Variants in FANCD2 observed in about 807,000 individuals in gnomAD.
The protein encoded by FANCD2 is FA complementation group D2, also known as Fanconi anemia group D2 protein.
In FANCD2, 131 loss-of-function variants were observed where a neutral mutation model predicts 192.3. The ratio of observed to expected loss-of-function variants is 0.68; its 90% CI spans 0.59 to 0.79. The LOEUF (loss-of-function observed/expected upper bound fraction) is 0.79. Ranked by LOEUF, FANCD2 falls within the 30% of genes least tolerant of loss-of-function variation. The probability of loss-of-function intolerance (pLI) is 0.00; values close to 1 mark genes in which losing one functional copy is unlikely to be tolerated. For synonymous variants in FANCD2, 524 were observed against 612.5 expected (o/e 0.86, Z 2.13); for missense variants, 1,508 against 1,701.6 (o/e 0.89, Z 2.00).
chr3:10,098,124 A>G (rs1695087026), intron 42 of FANCD2, among the ~76,000 whole-genome samples: 1 of 152,200 alleles, frequency 6.6e-6, no homozygotes, highest in South Asian at 2.1e-4. Context: ...AGTCAATTAT[A>G]TATGAAATAT....
chr3:10,061,992 A>G (rs1375751086), intron 19 of FANCD2, among the ~76,000 whole-genome samples, 159 bp from the exon 20 acceptor site: 3 of 144,128 alleles, frequency 2.1e-5, no homozygotes, highest in Non-Finnish European at 3.0e-5. Context: ...GGGGGGAGGG[A>G]TAGCATTAGG....
chr3:10,090,262 G>T, intron 36 of FANCD2, 30 bp from the exon 37 acceptor site: 1 of 1,518,350 alleles, frequency 6.6e-7, no homozygotes, highest in Non-Finnish European at 9.1e-7. Context: ...GCATCATGGT[G>T]TGGGCACGCA....
chr3:10,052,281 T>TA (rs1186201388), intron 17 of FANCD2, 106 bp from the exon 18 acceptor site: 1 of 760,656 alleles, frequency 1.3e-6, no homozygotes, highest in African/African-American at 1.7e-5. Context: ...AAGTTTTAGA[T>TA]ACCTGGCTAT....
chr3:10,051,671 G>T (rs917343650), intron 17 of FANCD2, among the ~76,000 whole-genome samples: 1 of 152,106 alleles, frequency 6.6e-6, no homozygotes, highest in African/African-American at 2.4e-5. Flanking sequence ...TTTTAGATGA[G>T]GAGGTTTGAG....
At chr3:10,046,862 G>GT in intron 15 of FANCD2, 139 bp downstream of exon 15, 1 of 760,960 alleles carries the variant, frequency 1.3e-6, no homozygotes, top group Non-Finnish European at 2.2e-6. Context: ...CATTTTAATT[G>GT]TCTATCTCAA....
At chr3:10,039,139 T>A in intron 7 of FANCD2, 140 bp from the exon 8 acceptor site, 1 of 551,846 alleles carries the variant, frequency 1.8e-6, no homozygotes, top group Non-Finnish European at 3.2e-6. Flanking sequence ...ATCACTTGTG[T>A]GTCTAGTGCA....
chr3:10,069,904 C>T (rs1348692474), intron 26 of FANCD2, among the ~76,000 whole-genome samples: 1 of 151,932 alleles, frequency 6.6e-6, no homozygotes, highest in Admixed American at 6.5e-5. Context: ...AAGTGAGGAG[C>T]GTCTCTGCCT....
At chr3:10,044,131 T>C (rs1162158787) in intron 14 of FANCD2, among the ~76,000 whole-genome samples, 1 of 152,116 alleles carries the variant, frequency 6.6e-6, no homozygotes, top group Non-Finnish European at 1.5e-5. Flanking sequence ...CACATCAAGG[T>C]GCAGTCAAAG....
Position 10,065,122 on chromosome 3 carries a change from C to G in FANCD2, c.2168+247C>G, listed in dbSNP as rs34915180. Among the ~76,000 whole-genome samples the G allele has an allele frequency of 0.012, 1,784 of 152,220 alleles. 30 individuals carry two copies. The highest frequency in any genetic ancestry group is 0.018 in the Non-Finnish European group (1,207 of 68,016). ...TGGCCAACGTGGCGAAACACTGTCT[C>G]TACTAAAAATACAAAAATTAGCCGG... On this transcript the variant is annotated intron_variant, in intron 23 of 43. Transcript: ENST00000675286.
intron 27 of FANCD2, 100 bp from the exon 28 acceptor site, chr3:10,073,153 C>T: frequency 9.9e-7 from 1 of 1,013,682 alleles, no homozygotes; most frequent in Non-Finnish European, 1.5e-6. Context: ...ACCTCTTCTA[C>T]CTCTAGGCAG....
At chr3:10,085,498 T>G (rs1694134882) in intron 32 of FANCD2, among the ~76,000 whole-genome samples, 1 of 151,922 alleles carries the variant, frequency 6.6e-6, no homozygotes, top group Non-Finnish European at 1.5e-5. Context: ...TTCTAGCGAT[T>G]CTTCTGCCTC....
intron 42 of FANCD2, 150 bp from the exon 43 acceptor site, chr3:10,098,570 G>A (rs930875481): frequency 2.3e-6 from 2 of 887,450 alleles, no homozygotes; most frequent in Non-Finnish European, 3.5e-6. Flanking sequence ...CCCTCCTCTA[G>A]ATGCTGAATC....
At chr3:10,049,710 C>T (rs1559380013) in intron 17 of FANCD2, among the ~76,000 whole-genome samples, 1 of 152,154 alleles carries the variant, frequency 6.6e-6, no homozygotes. Flanking sequence ...TAGGCCCTTA[C>T]CTTTCATGTT....
At chr3:10,050,523 T>C (rs1010204239) in intron 17 of FANCD2, among the ~76,000 whole-genome samples, 14 of 147,942 alleles carry the variant, frequency 9.5e-5, no homozygotes, top group Admixed American at 2.8e-4. Flanking sequence ...CTCAAGAGGC[T>C]GAGGCAGGAG....
At chr3:10,077,752 A>G (rs1256128441) in intron 29 of FANCD2, among the ~76,000 whole-genome samples, 2 of 151,950 alleles carry the variant, frequency 1.3e-5, no homozygotes, top group Non-Finnish European at 2.9e-5. Context: ...CGCTGGGCCC[A>G]GGTGTGGTGG....
In FANCD2 at chr3:10,034,814, A is replaced by G. The variant is rs1239474106; in HGVS notation, c.377+16A>G. On this transcript the variant is annotated intron_variant, in intron 5 of 43. Coordinates refer to ENST00000675286, the MANE Select transcript of FANCD2 (RefSeq NM_001018115.3). ...AGGAAGCCAGGTGTGGAGAGGAGGC[A>G]TGGAATCTTGCTGAAATTCAGTCTG... 1 of 1,530,260 alleles carries G rather than the reference A, an allele frequency of 6.5e-7. No homozygotes were observed. Among genetic ancestry groups the G allele is most frequent in the Non-Finnish European group, 8.9e-7 (1 of 1,127,046 alleles). 94.8% of individuals were successfully genotyped at this position (1,530,260 alleles called of 1,614,324 possible).
At chr3:10,059,199 A>G (rs2087494271) in intron 18 of FANCD2, among the ~76,000 whole-genome samples, 1 of 151,900 alleles carries the variant, frequency 6.6e-6, no homozygotes, top group African/African-American at 2.4e-5. Flanking sequence ...TTTTCTATAG[A>G]GATGAGGTTT....
chr3:10,069,953 A>T (rs1206615928), intron 26 of FANCD2, among the ~76,000 whole-genome samples: 1 of 141,036 alleles, frequency 7.1e-6, no homozygotes, highest in Non-Finnish European at 1.5e-5. Context: ...CCTCTCTGCC[A>T]GGCTGCCCAG....
intron 26 of FANCD2, among the ~76,000 whole-genome samples, chr3:10,069,476 TC>T (rs1559391829): frequency 3.7e-5 from 2 of 54,346 alleles, no homozygotes; most frequent in South Asian, 1.2e-3. Context: ...CCCCTCCCCC[TC>T]CCCCTCCCCC....
Sources: gnomAD v4.1 joint callset for allele counts (sites outside exome capture counted in the v4.1 genomes callset) on GRCh38, gnomAD v4.1.1 for gene constraint, MANE v1.5 for transcripts, NCBI Gene and HGNC (gene_info 2026-07-23, HGNC 2026-07-21) for gene names.